ZNF317: variants seen among roughly 807,000 people sequenced by gnomAD.
The protein encoded by ZNF317 is zinc finger protein 317.
In ZNF317, 17 loss-of-function variants were observed where a neutral mutation model predicts 23.4. The ratio of observed to expected loss-of-function variants is 0.73; its 90% CI spans 0.50 to 1.09. The LOEUF (loss-of-function observed/expected upper bound fraction) is 1.09. ZNF317 is among the 50% of genes least tolerant of loss of function. The pLI, the probability that ZNF317 is intolerant of heterozygous loss-of-function variation, is 0.00. For synonymous variants in ZNF317, 317 were observed against 314.9 expected (o/e 1.01, Z -0.07); for missense variants, 679 against 796.7 (o/e 0.85, Z 1.78).
chr19:9,157,222 C>G (rs1346739887), intron 3 of ZNF317, 46 bp from the exon 4 acceptor site: 1 of 1,604,746 alleles, frequency 6.2e-7, no homozygotes, highest in East Asian at 2.2e-5. Context: ...CCATGAACAT[C>G]GTTAGGCTGG....
intron 1 of ZNF317, among the ~76,000 whole-genome samples, chr19:9,150,084 G>T (rs377015100): frequency 6.6e-6 from 1 of 152,146 alleles, no homozygotes; most frequent in East Asian, 1.9e-4. Flanking sequence ...TGCCATCAAC[G>T]TGGGGAGGCT....
chr19:9,152,451 C>A (rs1464137848), intron 1 of ZNF317, among the ~76,000 whole-genome samples: 4 of 152,192 alleles, frequency 2.6e-5, no homozygotes, highest in African/African-American at 9.7e-5. Context: ...TTTACAGCGG[C>A]TCCCCATCAC....
intron 1 of ZNF317, among the ~76,000 whole-genome samples, chr19:9,144,438 ATT>A (rs141463724): frequency 0.038 from 5,757 of 152,082 alleles, 369 homozygotes; most frequent in African/African-American, 0.13. Flanking sequence ...TGAATGTTAC[ATT>A]TGTCTTCTGT....
intron 1 of ZNF317, among the ~76,000 whole-genome samples, chr19:9,155,362 G>A (rs1329849782): frequency 6.6e-6 from 1 of 152,136 alleles, no homozygotes; most frequent in Non-Finnish European, 1.5e-5. Context: ...AGAAGCATAG[G>A]TGGCCGCGAA....
chr19:9,161,595 TC>T lies in ZNF317; in HGVS notation c.*165del. On this transcript the variant is annotated 3_prime_UTR_variant, in exon 7 of 7. Transcript: ENST00000247956. The surrounding 1 kb of genome is among the most constrained non-coding windows in gnomAD (Gnocchi z 4.0). The stretch of plus-strand genomic sequence containing the variant: ...AAACTGGGAAGACGAGGCGTTCTCA[TC>T]CCATAGGAGGTTTGTGAGAACTCAC... 9.2e-7 allele frequency: 1 copy of T among 1,084,460 alleles called. No individual in the cohort carries two copies. Among genetic ancestry groups the T allele is most frequent in the Non-Finnish European group, 1.3e-6 (1 of 770,588 alleles). The allele number at this position is 1,084,460 out of a possible 1,614,324, so 67.2% of individuals were successfully genotyped here.
At chr19:9,147,502 G>A (rs4804408) in intron 1 of ZNF317, among the ~76,000 whole-genome samples, 36,781 of 151,840 alleles carry the variant, frequency 0.24, 4,925 homozygotes, top group African/African-American at 0.37. Flanking sequence ...CACCGCGCCC[G>A]GCTAATTTTT....
chr19:9,160,928 G>A lies in ZNF317; in HGVS notation c.1283G>A (p.Arg428Gln), dbSNP rs761096249. ...TGTCGGCAGTGCGGGAAGACCTTCCGAAACCAGTCCATCCTTAAGACTCAC... is the reference window on the plus strand; with the variant it reads ...TGTCGGCAGTGCGGGAAGACCTTCCAAAACCAGTCCATCCTTAAGACTCAC... ...VECRQCGKTF[R>Q]NQSILKTHMN... Residue 428 changes from arginine (R) to glutamine (Q), a missense_variant, in exon 7 of 7, where the codon CGA (arginine) becomes CAA (glutamine). Coordinates refer to ENST00000247956, the MANE Select transcript of ZNF317 (RefSeq NM_020933.5). This position sits in a 1 kb window ranked among gnomAD's most constrained non-coding sequence, Gnocchi z 6.8. The A allele has an allele frequency of 6.2e-6, 10 of 1,614,038 alleles. No individual in the cohort carries two copies. The Admixed American group carries it at 8.3e-5, about 13-fold the overall frequency.
chr19:9,140,717 G>A (rs989943522), intron 1 of ZNF317, 125 bp downstream of exon 1: 3 of 373,202 alleles, frequency 8.0e-6, no homozygotes, highest in African/African-American at 6.6e-5. Flanking sequence ...CAGACGAGGG[G>A]TGCGTTTAGA....
Position 9,160,932 on chromosome 19 carries a change from C to A in ZNF317, c.1287C>A (p.Asn429Lys), listed in dbSNP as rs1465529372. Residue 429 changes from asparagine (N) to lysine (K), a missense_variant, in exon 7 of 7, where the codon AAC (asparagine) becomes AAA (lysine). Transcript: ENST00000247956. This position sits in a 1 kb window ranked among gnomAD's most constrained non-coding sequence, Gnocchi z 6.8. ...ECRQCGKTFR[N>K]QSILKTHMNS... ...GGCAGTGCGGGAAGACCTTCCGAAA[C>A]CAGTCCATCCTTAAGACTCACATGA... 6.2e-7 allele frequency: 1 copy of A among 1,614,182 alleles called. No homozygotes were observed. Among genetic ancestry groups the A allele is most frequent in the Admixed American group, 1.7e-5 (1 of 60,028 alleles).
intron 2 of ZNF317, 132 bp downstream of exon 2, chr19:9,156,173 A>G: frequency 8.4e-7 from 1 of 1,188,086 alleles, no homozygotes; most frequent in Non-Finnish European, 1.2e-6. Context: ...GGGTGGGAAC[A>G]GAGCCCCAGC....
chr19:9,148,053 A>G (rs575548139), intron 1 of ZNF317, among the ~76,000 whole-genome samples: 11 of 152,102 alleles, frequency 7.2e-5, no homozygotes, highest in African/African-American at 2.4e-4. Context: ...CTGCTTCACC[A>G]TATGCTTTGC....
At chr19:9,145,261 G>A (rs771405362) in intron 1 of ZNF317, among the ~76,000 whole-genome samples, 7 of 152,216 alleles carry the variant, frequency 4.6e-5, no homozygotes, top group East Asian at 1.9e-4. Flanking sequence ...GCCAGGCAGC[G>A]GTTTTAGGAG....
At chr19:9,157,699 T>TAA (rs1428715340) in intron 4 of ZNF317, 152,364 of 514,826 alleles carry the variant, frequency 0.3, 29,866 homozygotes, top group African/African-American at 0.47. Context: ...TTTTTTTTTT[T>TAA]TTTATTTTTG....
Position 9,158,008 on chromosome 19 carries a change from C to A in ZNF317, c.318C>A (p.Ile106=). The part of the protein sequence containing the change: ...LGYQVGKPSL[I]SHLEQEEEPR... ...ATCAGGTCGGCAAACCCAGCCTCAT[C>A]TCACACTTGGAGCAGGAGGAGGAGC... The change falls in exon 5 of 7, where the codon ATC becomes ATA. Residue 106 remains isoleucine, a synonymous_variant. Transcript: ENST00000247956. 1 of 1,551,574 alleles carries A rather than the reference C, an allele frequency of 6.4e-7. No homozygotes were observed. Among genetic ancestry groups the A allele is most frequent in the East Asian group, 2.4e-5 (1 of 40,902 alleles).
intron 1 of ZNF317, among the ~76,000 whole-genome samples, chr19:9,145,077 T>G (rs967448280): frequency 1.3e-5 from 2 of 152,230 alleles, no homozygotes; most frequent in African/African-American, 4.8e-5. Context: ...AGAGTCTCAC[T>G]CTTGTTGCCC....
intron 5 of ZNF317, 97 bp from the exon 6 acceptor site, chr19:9,158,729 A>G (rs1337477247): frequency 1.2e-5 from 10 of 815,844 alleles, no homozygotes; most frequent in Non-Finnish European, 2.1e-5. Context: ...TTTTCCTTAC[A>G]TAGCCTTAGG....
chr19:9,148,082 C>G (rs2050703930), intron 1 of ZNF317, among the ~76,000 whole-genome samples: 1 of 152,178 alleles, frequency 6.6e-6, no homozygotes, highest in Non-Finnish European at 1.5e-5. Flanking sequence ...CTTTTGCCTT[C>G]TGCTATGATT....
At chr19:9,156,134 T>TG (rs1203614830) in intron 2 of ZNF317, 93 bp downstream of exon 2, 1 of 1,512,020 alleles carries the variant, frequency 6.6e-7, no homozygotes, top group Non-Finnish European at 9.2e-7. Context: ...CATAGAGGGC[T>TG]GCTGGGAGAG....
chr19:9,151,295 T>C (rs2050733937), intron 1 of ZNF317, among the ~76,000 whole-genome samples: 1 of 152,222 alleles, frequency 6.6e-6, no homozygotes, highest in African/African-American at 2.4e-5. Flanking sequence ...AATTTGGTGT[T>C]GAATAATGAA....
Sources: allele counts gnomAD v4.1 joint callset (sites outside exome capture counted in the v4.1 genomes callset), GRCh38; gene constraint gnomAD v4.1.1; non-coding constraint Gnocchi (gnomAD v3.1); transcripts MANE v1.5; gene names NCBI Gene and HGNC (gene_info 2026-07-23, HGNC 2026-07-21).